Variants in ZNF609 observed in about 807,000 individuals in gnomAD.
The protein encoded by ZNF609 is zinc finger protein 609.
Under a neutral mutation model 109.5 loss-of-function variants are expected in ZNF609, and 11 were observed. The ratio of observed to expected loss-of-function variants is 0.10; its 90% CI spans 0.06 to 0.17. The LOEUF (loss-of-function observed/expected upper bound fraction) is 0.17. Ranked by LOEUF, ZNF609 falls within the 10% of genes least tolerant of loss-of-function variation. The pLI, the probability that ZNF609 is intolerant of heterozygous loss-of-function variation, is 1.00. For missense variants in ZNF609, 1,559 were observed against 1,772.4 expected (o/e 0.88, Z 2.16); for synonymous variants, 646 against 662.0 (o/e 0.98, Z 0.37).
At chr15:64,637,946 C>A (rs1896198258) in intron 3 of ZNF609, among the ~76,000 whole-genome samples, 1 of 142,766 alleles carries the variant, frequency 7.0e-6, no homozygotes, top group Non-Finnish European at 1.5e-5. Context: ...AAAGTTTTGC[C>A]CATCCCAAGA....
chr15:64,479,227 A>G (rs1249048582), intron 1 of ZNF609, among the ~76,000 whole-genome samples: 1 of 151,906 alleles, frequency 6.6e-6, no homozygotes, highest in East Asian at 1.9e-4. Flanking sequence ...GGTAGGTGAC[A>G]TAATGGTGAA....
chr15:64,535,164 C>T (rs1351404868), intron 2 of ZNF609, among the ~76,000 whole-genome samples: 1 of 152,116 alleles, frequency 6.6e-6, no homozygotes, highest in Non-Finnish European at 1.5e-5. Flanking sequence ...TCAAACTATC[C>T]TCCTGCCTCA....
At chr15:64,563,879 C>A (rs1354220693) in intron 2 of ZNF609, among the ~76,000 whole-genome samples, 1 of 152,070 alleles carries the variant, frequency 6.6e-6, no homozygotes, top group Non-Finnish European at 1.5e-5. Context: ...AGTCGCCGTG[C>A]CCGGCCTATT....
chr15:64,588,442 A>AAAAAAAAAAAAAAAAAAAAAAGAAG (rs71133451), intron 2 of ZNF609, among the ~76,000 whole-genome samples: 1 of 75,272 alleles, frequency 1.3e-5, no homozygotes, highest in African/African-American at 5.1e-5. Flanking sequence ...AAAAAAAAAA[A>AAAAAAAAAAAAAAAAAAAAAAGAAG]AAGAAGAGGA....
chr15:64,473,575 T>G (rs1893123872), intron 1 of ZNF609, among the ~76,000 whole-genome samples: 1 of 151,696 alleles, frequency 6.6e-6, no homozygotes, highest in Non-Finnish European at 1.5e-5. Context: ...ATTCACTAAT[T>G]GGATAGCCTG....
chr15:64,676,015 C>G lies in ZNF609; in HGVS notation c.3161C>G (p.Pro1054Arg). The G allele has an allele frequency of 6.2e-7, 1 of 1,614,214 alleles. No homozygotes were observed. The highest frequency in any genetic ancestry group is 8.5e-7 in the Non-Finnish European group (1 of 1,180,032). ...ATTCCACCAACTCTCACCAAGGCCC[C>G]CAGCCTGACAGACCTGGTGAAATCA... is the stretch of plus-strand genomic sequence containing the variant. ...PSIPPTLTKA[P>R]SLTDLVKSGP... The change falls in exon 5 of 10, where the codon CCC becomes CGC. Residue 1054 changes from proline (P) to arginine (R), a missense_variant. By Grantham distance (103) the Pro-to-Arg change is moderately radical. Coordinates refer to ENST00000326648, the MANE Select transcript of ZNF609 (RefSeq NM_015042.2).
chr15:64,661,151 A>G (rs1248537224), intron 3 of ZNF609, among the ~76,000 whole-genome samples: 1 of 151,996 alleles, frequency 6.6e-6, no homozygotes, highest in Admixed American at 6.6e-5. Flanking sequence ...TTGTAGAGAC[A>G]GGGTTTCACC....
At chr15:64,670,279 A>G (rs1423533238) in intron 3 of ZNF609, 67 bp from the exon 4 acceptor site, 8 of 1,338,936 alleles carry the variant, frequency 6.0e-6, no homozygotes, top group Non-Finnish European at 8.6e-6. Context: ...GTGCTGATCA[A>G]AAGAATACTA....
At chr15:64,461,374 T>G (rs1451573728) in intron 1 of ZNF609, among the ~76,000 whole-genome samples, 3 of 151,964 alleles carry the variant, frequency 2.0e-5, no homozygotes, top group Non-Finnish European at 2.9e-5. Context: ...TTTACTCCTG[T>G]CCTTTTCTTC....
chr15:64,504,312 C>A (rs555821707), intron 2 of ZNF609, among the ~76,000 whole-genome samples: 25 of 152,230 alleles, frequency 1.6e-4, no homozygotes, highest in African/African-American at 5.8e-4. Context: ...AAACTAAGAC[C>A]AGTGAAGTCC....
intron 2 of ZNF609, among the ~76,000 whole-genome samples, chr15:64,569,710 T>A (rs1223968733): frequency 6.6e-6 from 1 of 152,256 alleles, no homozygotes; most frequent in Non-Finnish European, 1.5e-5. Flanking sequence ...GCACTTCTCC[T>A]TCTGAACAGA....
intron 2 of ZNF609, among the ~76,000 whole-genome samples, chr15:64,538,115 A>AAAAG (rs1039211261): frequency 6.6e-6 from 1 of 152,204 alleles, no homozygotes; most frequent in Non-Finnish European, 1.5e-5. Flanking sequence ...TCAAAAAAAA[A>AAAAG]AAAGAAAGAA....
At chr15:64,648,084 A>C (rs1178732375) in intron 3 of ZNF609, among the ~76,000 whole-genome samples, 1 of 152,208 alleles carries the variant, frequency 6.6e-6, no homozygotes, top group Non-Finnish European at 1.5e-5. Flanking sequence ...TTTAGTCCAC[A>C]GTTTTATTCT....
At position 64,674,510 on chromosome 15, in the gene ZNF609, T is replaced by A. The variant is rs1302643465; in HGVS notation, c.1656T>A (p.Ser552=). The change falls in exon 5 of 10, where the codon TCT becomes TCA. Residue 552 remains serine (S), a synonymous_variant. Transcript: ENST00000326648. ...HADLGSCNGA[S]VSQKGSLSPA... The stretch of plus-strand genomic sequence containing the variant: ...ATCTTGGGAGCTGCAACGGTGCATC[T>A]GTCTCACAAAAAGGTTCCTTGTCCC... 3.7e-6 allele frequency: 6 copies of A among 1,614,024 alleles called. No individual in the cohort carries two copies. In the Admixed American group the frequency reaches 1.0e-4, roughly 27 times the overall value.
At chr15:64,658,842 TTATATC>T (rs1374372358) in intron 3 of ZNF609, among the ~76,000 whole-genome samples, 1 of 152,118 alleles carries the variant, frequency 6.6e-6, no homozygotes, top group Non-Finnish European at 1.5e-5. Flanking sequence ...TTTTTATAGA[TTATATC>T]TATTGATATC....
intron 1 of ZNF609, among the ~76,000 whole-genome samples, chr15:64,462,061 T>C (rs566167335): frequency 2.6e-5 from 4 of 152,144 alleles, no homozygotes; most frequent in Non-Finnish European, 5.9e-5. Context: ...ACAGTGAAGG[T>C]CATAGGTTCA....
intron 2 of ZNF609, among the ~76,000 whole-genome samples, chr15:64,607,630 G>T (rs549912283): frequency 2.7e-5 from 4 of 150,416 alleles, no homozygotes; most frequent in African/African-American, 4.9e-5. Flanking sequence ...TCAGCCTCCC[G>T]AGTAGCTGGA....
chr15:64,497,644 G>A (rs938661849), intron 1 of ZNF609, among the ~76,000 whole-genome samples: 3 of 152,064 alleles, frequency 2.0e-5, no homozygotes, highest in Non-Finnish European at 4.4e-5. Flanking sequence ...GCTCATACCT[G>A]TAATCCCAAC....
At chr15:64,600,427 G>C (rs1229318320) in intron 2 of ZNF609, among the ~76,000 whole-genome samples, 1 of 141,680 alleles carries the variant, frequency 7.1e-6, no homozygotes, top group Non-Finnish European at 1.5e-5. Context: ...TCCAGCCTGG[G>C]CGACAGTGCG....
Sources: gnomAD v4.1 joint callset for allele counts (sites outside exome capture counted in the v4.1 genomes callset) on GRCh38, gnomAD v4.1.1 for gene constraint, MANE v1.5 for transcripts, NCBI Gene and HGNC (gene_info 2026-07-23, HGNC 2026-07-21) for gene names.